Variants in TMEM116 observed in about 807,000 individuals in gnomAD.
TMEM116 encodes the protein transmembrane protein 116.
In TMEM116, 38 loss-of-function variants were observed where a neutral mutation model predicts 44.3. The ratio of observed to expected loss-of-function variants is 0.86; its 90% CI spans 0.66 to 1.12. TMEM116 has a LOEUF of 1.12. Ranked by LOEUF, TMEM116 falls within the 50% of genes most tolerant of loss-of-function variation. The pLI is 0.00. For missense variants in TMEM116, 354 were observed against 401.7 expected (o/e 0.88, Z 1.01); for synonymous variants, 132 against 144.8 (o/e 0.91, Z 0.64).
chr12:111,937,551 A>C (rs2072263125), intron 6 of TMEM116, among the ~76,000 whole-genome samples: 1 of 152,152 alleles, frequency 6.6e-6, no homozygotes, highest in Non-Finnish European at 1.5e-5. Flanking sequence ...GTGAAAGGAA[A>C]ATCTACTAAG....
At chr12:111,932,757 T>A in intron 9 of TMEM116, 98 bp from the exon 10 acceptor site, 1 of 928,760 alleles carries the variant, frequency 1.1e-6, no homozygotes, top group Non-Finnish European at 1.7e-6. Context: ...ATGGAAACAA[T>A]AGGCATAATA....
chr12:111,960,419 G>A (rs2074489220), intron 4 of TMEM116, among the ~76,000 whole-genome samples: 1 of 149,552 alleles, frequency 6.7e-6, no homozygotes, highest in African/African-American at 2.5e-5. Context: ...GTGAACCCGG[G>A]AGGCAGAGCT....
chr12:111,958,297 AAAAAAAAAAAAT>A (rs1162809664), intron 4 of TMEM116, among the ~76,000 whole-genome samples: 1 of 142,008 alleles, frequency 7.0e-6, no homozygotes, highest in East Asian at 3.7e-4. Context: ...AAAAAAAAAA[AAAAAAAAAAAAT>A]AGGAGGCCCA....
chr12:111,991,818 G>A lies in TMEM116; in HGVS notation c.150C>T (p.Leu50=). 2 of 1,536,010 alleles carry A rather than the reference G, an allele frequency of 1.3e-6. No homozygotes were observed. Among genetic ancestry groups the A allele is most frequent in the Non-Finnish European group, 1.7e-6 (2 of 1,146,706 alleles). ...CCTTATTTGCTACTGAAGCTCCATA[G>A]AGAAGTGTCTCCGTGAGCCAGCAAA... ...LGLCWLTETL[L]YGASVANKDI... The change falls in exon 4 of 11, where the codon CTC becomes CTT. Residue 50 remains leucine, a synonymous_variant. Transcript: ENST00000552374.
At chr12:111,937,435 A>G (rs983652837) in intron 6 of TMEM116, among the ~76,000 whole-genome samples, 192 bp from the exon 7 acceptor site, 4 of 152,206 alleles carry the variant, frequency 2.6e-5, no homozygotes, top group Non-Finnish European at 4.4e-5. Context: ...AGGGAAGTAC[A>G]ATGCAGTAGG....
At chr12:111,978,690 TACA>T (rs994096795) in intron 4 of TMEM116, 3 of 381,514 alleles carry the variant, frequency 7.9e-6, no homozygotes, top group Admixed American at 3.0e-5. Flanking sequence ...TATGTTTGGA[TACA>T]ACAAGAAAAT....
At chr12:111,938,632 C>CCTT (rs1448036803) in intron 5 of TMEM116, among the ~76,000 whole-genome samples, 1 of 152,136 alleles carries the variant, frequency 6.6e-6, no homozygotes, top group Non-Finnish European at 1.5e-5. Flanking sequence ...GGAATGAAAC[C>CCTT]CTTCTTATAA....
chr12:111,939,950 A>ACAG (rs1426872391), intron 5 of TMEM116, among the ~76,000 whole-genome samples: 1 of 144,768 alleles, frequency 6.9e-6, no homozygotes, highest in Non-Finnish European at 1.5e-5. Context: ...AGCTACTACA[A>ACAG]CAGCAGACTA....
chr12:112,003,945 T>C, intron 2 of TMEM116, 82 bp from the exon 3 acceptor site: 1 of 1,414,850 alleles, frequency 7.1e-7, no homozygotes, highest in Non-Finnish European at 9.1e-7. Flanking sequence ...GGGTTTTTTT[T>C]ACAGTTTTAT....
chr12:111,933,732 G>A (rs1300346395), intron 9 of TMEM116, among the ~76,000 whole-genome samples, 154 bp downstream of exon 9: 4 of 150,426 alleles, frequency 2.7e-5, no homozygotes, highest in South Asian at 2.1e-4. Flanking sequence ...TCCTGACCTC[G>A]TGATCCACCT....
intron 3 of TMEM116, among the ~76,000 whole-genome samples, chr12:111,999,232 T>C (rs759653881): frequency 7.2e-5 from 11 of 152,106 alleles, no homozygotes; most frequent in Non-Finnish European, 1.5e-4. Context: ...TGTCCTTTTT[T>C]TTTACTTAGA....
Position 111,931,573 on chromosome 12 carries a change from C to T in TMEM116, c.*48G>A. 6.5e-7 allele frequency: 1 copy of T among 1,550,268 alleles called. No homozygotes were observed. The highest frequency in any genetic ancestry group is 8.9e-7 in the Non-Finnish European group (1 of 1,123,180). ...TCCTTTCCCAACATTCTTTCCAATC[C>T]ATTAGCGTAGAATAACTCCAGTTCC... On this transcript the variant is annotated 3_prime_UTR_variant, in exon 11 of 11. Transcript: ENST00000552374.
At position 112,003,782 on chromosome 12, in the gene TMEM116, CAA is replaced by C. The variant is rs1565972280; in HGVS notation, c.78+16_78+17del. 2 of 1,509,328 alleles carry C rather than the reference CAA, an allele frequency of 1.3e-6. No individual in the cohort carries two copies. The highest frequency in any genetic ancestry group is 2.6e-5 in the South Asian group (2 of 77,718). The allele number at this position is 1,509,328 out of a possible 1,614,324, so 93.5% of individuals were successfully genotyped here. ...GTCAATAAAAAGTTCAAATCCAACA[CAA>C]AGAGAAATCACTCACCTCTGGAGAT... On this transcript the variant is annotated intron_variant, in intron 3 of 10. Coordinates refer to ENST00000552374, the MANE Select transcript of TMEM116 (RefSeq NM_001193531.2).
chr12:111,987,223 G>A (rs769071240), intron 4 of TMEM116, among the ~76,000 whole-genome samples: 17 of 152,002 alleles, frequency 1.1e-4, no homozygotes, highest in Non-Finnish European at 2.4e-4. Context: ...ATGGGGAAGG[G>A]GCTGGGCATG....
chr12:111,950,718 CTA>C (rs910287116), intron 4 of TMEM116, among the ~76,000 whole-genome samples: 6 of 152,176 alleles, frequency 3.9e-5, no homozygotes, highest in African/African-American at 1.4e-4. Flanking sequence ...AAACCCAAAA[CTA>C]TAAAAATCCT....
intron 4 of TMEM116, among the ~76,000 whole-genome samples, chr12:111,967,483 G>A (rs1281446734): frequency 2.6e-5 from 4 of 151,776 alleles, no homozygotes; most frequent in Non-Finnish European, 5.9e-5. Context: ...GAAGCACCTG[G>A]ATTTTTTTTT....
At chr12:111,953,490 G>A (rs922413230) in intron 4 of TMEM116, among the ~76,000 whole-genome samples, 3 of 152,138 alleles carry the variant, frequency 2.0e-5, no homozygotes, top group Admixed American at 6.5e-5. Context: ...GGCCAAGAAC[G>A]GAGGTTCTCA....
intron 4 of TMEM116, among the ~76,000 whole-genome samples, chr12:111,962,525 T>C (rs1007655167): frequency 2.0e-5 from 3 of 152,098 alleles, no homozygotes; most frequent in Non-Finnish European, 4.4e-5. Context: ...TCTACAACCA[T>C]CTGATCTTTG....
intron 3 of TMEM116, among the ~76,000 whole-genome samples, chr12:111,992,647 TAA>T (rs1017511993): frequency 6.6e-6 from 1 of 152,104 alleles, no homozygotes; most frequent in African/African-American, 2.4e-5. Flanking sequence ...TTTACAGTAA[TAA>T]AAAGTCAGGG....
Sources: gnomAD v4.1 joint callset for allele counts (sites outside exome capture counted in the v4.1 genomes callset) on GRCh38, gnomAD v4.1.1 for gene constraint, MANE v1.5 for transcripts, NCBI Gene and HGNC (gene_info 2026-07-23, HGNC 2026-07-21) for gene names.